DCDC2: variants seen among roughly 807,000 people sequenced by gnomAD.
The protein encoded by DCDC2 is doublecortin domain-containing protein 2.
DCDC2 carries 40 observed loss-of-function variants against 50.2 expected under a neutral mutation model. The ratio of observed to expected loss-of-function variants is 0.80; its 90% confidence interval spans 0.62 to 1.04. The LOEUF (loss-of-function observed/expected upper bound fraction) is 1.04, where lower values mean the gene tolerates loss of function less well. DCDC2 is among the 50% of genes least tolerant of loss of function. DCDC2 has a pLI of 0.00. For missense variants in DCDC2, 570 were observed against 581.9 expected, an observed-to-expected ratio of 0.98 and a Z score of 0.21; for synonymous variants, 234 against 210.6, an observed-to-expected ratio of 1.11 and a Z score of -0.96.
intron 7 of DCDC2, among the ~76,000 whole-genome samples, chr6:24,234,467 G>A (rs764429052): frequency 2.3e-4 from 35 of 152,258 alleles, no homozygotes; most frequent in Non-Finnish European, 4.0e-4. Context: ...TTGGGAACGA[G>A]TGCAGAACAA....
At chr6:24,281,505 AAAAAG>A (rs1211398502) in intron 6 of DCDC2, among the ~76,000 whole-genome samples, 1 of 150,920 alleles carries the variant, frequency 6.6e-6, no homozygotes, top group African/African-American at 2.4e-5. Context: ...AAAAAAAAAA[AAAAAG>A]GAGGGTGAAG....
intron 7 of DCDC2, among the ~76,000 whole-genome samples, chr6:24,249,213 T>C (rs954546490): frequency 3.3e-5 from 5 of 152,208 alleles, no homozygotes; most frequent in African/African-American, 1.2e-4. Context: ...AAAGTTAATG[T>C]GAGCTGATTG....
chr6:24,356,158 T>A (rs1220283200), intron 1 of DCDC2, among the ~76,000 whole-genome samples: 2 of 152,062 alleles, frequency 1.3e-5, no homozygotes, highest in East Asian at 3.8e-4. Context: ...CAAATATACA[T>A]CAAACTGATA....
intron 7 of DCDC2, among the ~76,000 whole-genome samples, chr6:24,252,932 A>AT (rs1336422081): frequency 2.6e-5 from 4 of 152,208 alleles, no homozygotes; most frequent in South Asian, 2.1e-4. Context: ...AAGTAAGGCC[A>AT]TTCTAAATAA....
At position 24,357,579 on chromosome 6, in the gene DCDC2, G is replaced by T. The variant is rs759113715; in HGVS notation, c.172C>A (p.Pro58Thr). ...LKEVTGGVQA[P>T]FGAVRNIYTP... ...TAGATGTTCCTGACGGCCCCAAAGG[G>T]TGCCTGAACGCCGCCGGTCACCTCC... The change falls in exon 1 of 10, where the codon CCC becomes ACC. Residue 58 changes from proline to threonine, a missense_variant. By Grantham distance (38) the Pro-to-Thr change is conservative (BLOSUM62 -1). Coordinates refer to ENST00000378454, the MANE Select transcript of DCDC2 (RefSeq NM_016356.5). 1.9e-5 allele frequency: 30 copies of T among 1,613,262 alleles called. No homozygotes were observed. Among genetic ancestry groups the T allele is most frequent in the Non-Finnish European group, 2.5e-5 (30 of 1,180,014 alleles).
chr6:24,296,768 A>G (rs574354246), intron 4 of DCDC2, among the ~76,000 whole-genome samples: 1 of 152,352 alleles, frequency 6.6e-6, no homozygotes, highest in African/African-American at 2.4e-5. Flanking sequence ...ATGATACACC[A>G]TCTCATGCCA....
intron 1 of DCDC2, among the ~76,000 whole-genome samples, chr6:24,354,613 A>G (rs1178174234): frequency 6.6e-6 from 1 of 152,174 alleles, no homozygotes; most frequent in East Asian, 1.9e-4. Context: ...TAGCAATAAA[A>G]TGGGTCTTTT....
intron 8 of DCDC2, among the ~76,000 whole-genome samples, chr6:24,200,969 T>C (rs1561887710): frequency 2.6e-5 from 4 of 152,220 alleles, no homozygotes; most frequent in East Asian, 1.9e-4. Context: ...CCTAAATATA[T>C]ATGAACCCAA....
chr6:24,289,101 T>C (rs1030784646), intron 5 of DCDC2, among the ~76,000 whole-genome samples, 195 bp from the exon 6 acceptor site: 8 of 152,230 alleles, frequency 5.3e-5, no homozygotes, highest in African/African-American at 1.2e-4. Flanking sequence ...CCCAAAAGAT[T>C]TGTAATGTTT....
At chr6:24,381,495 C>T in the DCDC2 span, among the ~76,000 whole-genome samples, 1 of 152,192 alleles carries the variant, frequency 6.6e-6, no homozygotes, top group Non-Finnish European at 1.5e-5. Context: ...CAGCGGCAGG[C>T]TTAAGATGCT....
intron 7 of DCDC2, among the ~76,000 whole-genome samples, chr6:24,213,277 T>A (rs1322273270): frequency 3.9e-5 from 6 of 152,168 alleles, no homozygotes; most frequent in South Asian, 2.1e-4. Flanking sequence ...AGTTATCTAT[T>A]AACTAGAAGC....
At chr6:24,195,151 A>C (rs1187761955) in intron 8 of DCDC2, among the ~76,000 whole-genome samples, 1 of 152,118 alleles carries the variant, frequency 6.6e-6, no homozygotes, top group Admixed American at 6.6e-5. Flanking sequence ...CTAGCAAGAG[A>C]CAAGTTAGCA....
intron 7 of DCDC2, among the ~76,000 whole-genome samples, chr6:24,237,783 G>A (rs1045938677): frequency 6.6e-6 from 1 of 152,096 alleles, no homozygotes; most frequent in African/African-American, 2.4e-5. Flanking sequence ...CATGGATGGA[G>A]CTGGAAGCCA....
At chr6:24,189,323 T>C (rs1761267530) in intron 8 of DCDC2, among the ~76,000 whole-genome samples, 1 of 152,180 alleles carries the variant, frequency 6.6e-6, no homozygotes, top group Non-Finnish European at 1.5e-5. Flanking sequence ...TAACTCAGGA[T>C]TCCTGAGTGG....
At chr6:24,298,078 C>T (rs1350882471) in intron 4 of DCDC2, among the ~76,000 whole-genome samples, 4 of 152,180 alleles carry the variant, frequency 2.6e-5, no homozygotes, top group East Asian at 1.9e-4. Context: ...GAGTGGGGGA[C>T]GGGATGGTTA....
At chr6:24,359,020 T>TTATATATTATATATTA (rs1760572063), upstream of DCDC2, among the ~76,000 whole-genome samples, 1 of 44,018 alleles carries the variant, frequency 2.3e-5, no homozygotes, top group South Asian at 5.6e-4. Context: ...ATTATATATT[T>TTATATATTATATATTA]TATATTTTAT....
intron 7 of DCDC2, among the ~76,000 whole-genome samples, chr6:24,224,064 A>G (rs1002698527): frequency 1.3e-5 from 2 of 150,396 alleles, no homozygotes; most frequent in Non-Finnish European, 2.9e-5. Flanking sequence ...CAACCCTCTC[A>G]AGACAGAAAA....
intron 8 of DCDC2, among the ~76,000 whole-genome samples, chr6:24,197,543 G>GA (rs1471590334): frequency 7.2e-5 from 11 of 152,134 alleles, no homozygotes; most frequent in African/African-American, 2.6e-4. Context: ...TTTCCCTCAG[G>GA]AAAAAATACC....
intron 2 of DCDC2, 62 bp from the exon 3 acceptor site, chr6:24,302,106 T>G: frequency 6.9e-7 from 1 of 1,457,194 alleles, no homozygotes; most frequent in Non-Finnish European, 9.4e-7. Flanking sequence ...TTTTTTCCTA[T>G]GAGGAAAATC....
Sources: allele counts gnomAD v4.1 joint callset (sites outside exome capture counted in the v4.1 genomes callset), GRCh38; gene constraint gnomAD v4.1.1; transcripts MANE v1.5; gene names NCBI Gene and HGNC (gene_info 2026-07-23, HGNC 2026-07-21).